The following UBAP2 variants were observed in gnomAD, a reference collection of about 807,000 sequenced individuals.
UBAP2 encodes ubiquitin-associated protein 2.
UBAP2 carries 75 observed loss-of-function variants against 139.6 expected under a neutral mutation model. That is an observed-to-expected ratio of 0.54 (90% confidence interval 0.45 to 0.65). UBAP2 has a LOEUF of 0.65. UBAP2 is among the 30% of genes least tolerant of loss of function. UBAP2 has a pLI of 0.00. For synonymous variants in UBAP2, 526 were observed against 526.2 expected (o/e 1.00, Z 0.01); for missense variants, 1,368 against 1,369.6 (o/e 1.00, Z 0.02).
At chr9:34,041,533 C>A (rs1455703985) in intron 1 of UBAP2, among the ~76,000 whole-genome samples, 1 of 147,508 alleles carries the variant, frequency 6.8e-6, no homozygotes, top group Non-Finnish European at 1.5e-5. Flanking sequence ...CCCGTCTCTA[C>A]TAAGAATACA....
At chr9:33,981,860 GGAA>G (rs1302685803) in intron 6 of UBAP2, among the ~76,000 whole-genome samples, 8 of 145,470 alleles carry the variant, frequency 5.5e-5, no homozygotes, top group African/African-American at 2.1e-4. Flanking sequence ...AGGGAGGGAA[GGAA>G]GGAAGGAAGG....
intron 2 of UBAP2, among the ~76,000 whole-genome samples, chr9:34,007,609 A>G (rs1036690391): frequency 6.6e-6 from 1 of 151,652 alleles, no homozygotes; most frequent in Non-Finnish European, 1.5e-5. Context: ...CGTTTATTGA[A>G]ATGATCATAT....
At chr9:34,001,013 A>C (rs1210863228) in intron 2 of UBAP2, among the ~76,000 whole-genome samples, 1 of 152,194 alleles carries the variant, frequency 6.6e-6, no homozygotes, top group African/African-American at 2.4e-5. Flanking sequence ...TAAATCAGAC[A>C]ATCATTTTCC....
chr9:34,041,944 G>T (rs1827130617), intron 1 of UBAP2, among the ~76,000 whole-genome samples: 1 of 151,808 alleles, frequency 6.6e-6, no homozygotes, highest in South Asian at 2.1e-4. Context: ...AGAATCGCTT[G>T]AACCCGGGAG....
In UBAP2 at chr9:34,014,269, A is replaced by G. The variant is rs7041263; in HGVS notation, c.99+2781T>C. On this transcript the variant is annotated intron_variant, in intron 2 of 28. Coordinates refer to ENST00000379238, the MANE Select transcript of UBAP2 (RefSeq NM_001370062.2). ...CTGAACCCCAGAGGCGGAGGTTACA[A>G]TGAGCCAAGATAGAGTAACTGCACT... Among the ~76,000 whole-genome samples the G allele has an allele frequency of 8.3e-3, 1,163 of 140,898 alleles. 11 individuals carry two copies. Among genetic ancestry groups the G allele is most frequent in the African/African-American group, 0.028 (1,064 of 37,930 alleles). 92.4% of individuals were successfully genotyped at this position (140,898 alleles called of 152,430 possible).
chr9:33,935,778 A>C (rs566910880), intron 17 of UBAP2, 61 bp downstream of exon 17: 2 of 1,591,224 alleles, frequency 1.3e-6, no homozygotes, highest in South Asian at 1.1e-5. Context: ...CACGTGAGCT[A>C]TCCTCTTCCT....
chr9:33,945,040 G>A (rs957471246), intron 13 of UBAP2, among the ~76,000 whole-genome samples: 1 of 151,782 alleles, frequency 6.6e-6, no homozygotes, highest in Admixed American at 6.6e-5. Flanking sequence ...TGAGGTGGGA[G>A]GATTGCTTTA....
intron 6 of UBAP2, among the ~76,000 whole-genome samples, chr9:33,974,035 C>G (rs1447850493): frequency 6.6e-6 from 1 of 151,950 alleles, no homozygotes; most frequent in Non-Finnish European, 1.5e-5. Context: ...GGGAGACTCC[C>G]TCTCTACAAA....
intron 1 of UBAP2, among the ~76,000 whole-genome samples, chr9:34,019,466 T>G (rs1295721713): frequency 1.3e-5 from 2 of 151,708 alleles, no homozygotes; most frequent in Non-Finnish European, 2.9e-5. Flanking sequence ...CTTAGAAAAG[T>G]CAAATTCATA....
intron 13 of UBAP2, among the ~76,000 whole-genome samples, chr9:33,945,837 T>A (rs1205178472): frequency 6.6e-6 from 1 of 152,246 alleles, no homozygotes; most frequent in Non-Finnish European, 1.5e-5. Context: ...ACTATATTAA[T>A]GGACTTTTAG....
chr9:33,983,677 T>C (rs992065461), intron 6 of UBAP2, among the ~76,000 whole-genome samples: 1 of 152,196 alleles, frequency 6.6e-6, no homozygotes, highest in Non-Finnish European at 1.5e-5. Flanking sequence ...TCCCAAGGTG[T>C]GTACTTCAGG....
At chr9:33,926,816 C>T (rs146579366) in intron 21 of UBAP2, 152 bp from the exon 22 acceptor site, 34 of 1,019,312 alleles carry the variant, frequency 3.3e-5, no homozygotes, top group Non-Finnish European at 5.0e-5. Flanking sequence ...CCTGCCTTCA[C>T]GGAGTCTAGA....
At chr9:33,957,956 T>C (rs1184802027) in intron 10 of UBAP2, among the ~76,000 whole-genome samples, 1 of 152,104 alleles carries the variant, frequency 6.6e-6, no homozygotes, top group Non-Finnish European at 1.5e-5. Context: ...GGGAAGGGTT[T>C]TTTTTTCTTT....
chr9:33,954,497 C>T (rs1000893018), intron 11 of UBAP2, among the ~76,000 whole-genome samples: 8 of 152,070 alleles, frequency 5.3e-5, no homozygotes, highest in Admixed American at 1.3e-4. Context: ...CCAGATGCAC[C>T]GTATTACCTA....
chr9:33,989,764 C>A (rs1448154909), intron 4 of UBAP2, among the ~76,000 whole-genome samples: 3 of 152,088 alleles, frequency 2.0e-5, no homozygotes, highest in Admixed American at 2.0e-4. Context: ...TCACTTACCT[C>A]TCTATTAGGC....
chr9:33,991,609 T>C (rs1821719208), intron 4 of UBAP2, among the ~76,000 whole-genome samples: 1 of 152,216 alleles, frequency 6.6e-6, no homozygotes, highest in Admixed American at 6.5e-5. Flanking sequence ...AGTGAGGATG[T>C]TTAATTTGAT....
chr9:33,980,326 A>G (rs2781283), intron 6 of UBAP2, among the ~76,000 whole-genome samples: 1 of 126,754 alleles, frequency 7.9e-6, no homozygotes. Context: ...TCCGTCTCCC[A>G]GGTTCACGCC....
rs1564032649 is a variant in UBAP2, at chr9:33,962,672, A to AAT, written c.745+1053_745+1054insAT. 1.0e-3 allele frequency among the ~76,000 whole-genome samples: 140 copies of AAT among 134,214 alleles called. No individual in the cohort carries two copies. In the Middle Eastern group the frequency reaches 0.021, roughly 20 times the overall value. 88.0% of individuals were successfully genotyped at this position (134,214 alleles called of 152,430 possible). ...AATAAATAAATAAATAAATAAATAAATAAATAAATAATTAAAAAATAGGGC... is the reference window on the plus strand; with the variant it reads ...AATAAATAAATAAATAAATAAATAAAATTAAATAAATAATTAAAAAATAGGGC... On this transcript the variant is annotated intron_variant, in intron 9 of 28. Transcript: ENST00000379238.
intron 17 of UBAP2, chr9:33,935,415 C>G (rs983776540): frequency 6.1e-6 from 1 of 165,202 alleles, no homozygotes; most frequent in Non-Finnish European, 1.3e-5. Context: ...AGGCACGCGC[C>G]GCCACCACAC....
Sources: gnomAD v4.1 joint callset for allele counts (sites outside exome capture counted in the v4.1 genomes callset) on GRCh38, gnomAD v4.1.1 for gene constraint, MANE v1.5 for transcripts, NCBI Gene and HGNC (gene_info 2026-07-23, HGNC 2026-07-21) for gene names.